The following GAL3ST1 variants were observed in gnomAD, a reference collection of about 807,000 sequenced individuals.
The protein encoded by GAL3ST1 is galactosylceramide sulfotransferase.
A neutral mutation model predicts 25.0 loss-of-function variants in GAL3ST1; 13 were observed. The observed-to-expected ratio is 0.52, with a 90% CI of 0.34 to 0.83. GAL3ST1 has a LOEUF of 0.83. Ranked by LOEUF, GAL3ST1 falls within the 40% of genes least tolerant of loss-of-function variation. The pLI is 0.02. For synonymous variants in GAL3ST1, 274 were observed against 277.8 expected (o/e 0.99, Z 0.14); for missense variants, 474 against 613.6 (o/e 0.77, Z 2.40).
intron 1 of GAL3ST1, among the ~76,000 whole-genome samples, chr22:30,560,967 C>T (rs1286479501): frequency 2.0e-5 from 3 of 152,104 alleles, no homozygotes; most frequent in African/African-American, 4.8e-5. Flanking sequence ...GTTTTTGAGA[C>T]GGTGTCTCCC....
intron 1 of GAL3ST1, among the ~76,000 whole-genome samples, chr22:30,559,387 C>T (rs1032745215): frequency 1.2e-4 from 18 of 151,534 alleles, no homozygotes; most frequent in Non-Finnish European, 2.4e-4. Flanking sequence ...ATTACAGGCA[C>T]ACGCCACCAC....
chr22:30,555,266 T>G lies in GAL3ST1; in HGVS notation c.959A>C (p.Glu320Ala). The G allele has an allele frequency of 6.2e-7, 1 of 1,601,776 alleles. No homozygotes were observed. Residue 320 changes from glutamate to alanine, a missense_variant, in exon 4 of 4, where the codon GAG becomes GCG. Transcript: ENST00000406361. This position sits in a 1 kb window ranked among gnomAD's most constrained non-coding sequence, Gnocchi z 8.6. ...HFNASFWRKVEAFGRERMARE... is the reference protein window; with the variant it reads ...HFNASFWRKVAAFGRERMARE... ...GGCCATGCGCTCCCGCCCGAAGGCC[T>G]CCACCTTGCGCCAGAAGCTGGCGTT...
rs996190161 is a variant in GAL3ST1, at chr22:30,574,497, C to A, written c.-151G>T. ...CCCGTCCTCCTCCGCCTCAGCGTGG[C>A]TGGCTCGGCCCGGGCCGCGCCGCCC... On this transcript the variant is annotated 5_prime_UTR_variant, in exon 1 of 4. Transcript: ENST00000406361. The A allele has an allele frequency of 2.0e-5, 3 of 150,618 alleles. No individual in the cohort carries two copies. Among genetic ancestry groups the A allele is most frequent in the African/African-American group, 4.9e-5 (2 of 41,206 alleles). The allele number at this position is 150,618 out of a possible 1,614,324, so 9.3% of individuals were successfully genotyped here. A position where few individuals can be genotyped will look rare whatever the true frequency, so the allele number is the denominator to read the frequency against.
At chr22:30,567,431 C>A (rs1325186692) in intron 1 of GAL3ST1, among the ~76,000 whole-genome samples, 1 of 152,054 alleles carries the variant, frequency 6.6e-6, no homozygotes, top group East Asian at 1.9e-4. Flanking sequence ...CACCACCACG[C>A]CTGGCTAATT....
chr22:30,567,419 C>T (rs899675147), intron 1 of GAL3ST1, among the ~76,000 whole-genome samples: 16 of 151,906 alleles, frequency 1.1e-4, no homozygotes, highest in Admixed American at 3.3e-4. Flanking sequence ...ACTACAGGTA[C>T]GCACCACCAC....
At chr22:30,557,079 G>A (rs2086079917) in intron 3 of GAL3ST1, among the ~76,000 whole-genome samples, 183 bp downstream of exon 3, 1 of 152,236 alleles carries the variant, frequency 6.6e-6, no homozygotes, top group East Asian at 1.9e-4. Flanking sequence ...GGCACACCAA[G>A]GCTCAGAGTT....
chr22:30,564,457 G>A (rs2086559863), intron 1 of GAL3ST1, among the ~76,000 whole-genome samples: 1 of 152,206 alleles, frequency 6.6e-6, no homozygotes, highest in Non-Finnish European at 1.5e-5. Flanking sequence ...AGCAGAGACA[G>A]GACTAGAACC....
intron 1 of GAL3ST1, chr22:30,565,094 C>T (rs1000784610): frequency 1.3e-5 from 2 of 152,814 alleles, no homozygotes; most frequent in African/African-American, 4.8e-5. Context: ...TGGACCCCAA[C>T]AAGCAAGCAG....
rs1370284819 is a variant in GAL3ST1 at position 30,555,199 on chromosome 22, C to G, written c.1026G>C (p.Arg342=). 2 of 1,600,296 alleles carry G rather than the reference C, an allele frequency of 1.2e-6. No homozygotes were observed. Among genetic ancestry groups the G allele is most frequent in the Non-Finnish European group, 1.7e-6 (2 of 1,176,154 alleles). ...AALRHANERM[R]TICIDGGHAV... is the part of the protein sequence containing the mutation. ...CGTGGCCCCCGTCGATGCAGATGGT[C>G]CGCATGCGCTCGTTGGCATGGCGCA... is the stretch of plus-strand genomic sequence containing the variant. The change falls in exon 4 of 4, where the codon CGG becomes CGC. Residue 342 remains arginine, a synonymous_variant. Coordinates refer to ENST00000406361, the MANE Select transcript of GAL3ST1 (RefSeq NM_001318104.2). The surrounding 1 kb of genome is among the most constrained non-coding windows in gnomAD (Gnocchi z 8.6).
chr22:30,569,517 A>G (rs1423596961), intron 1 of GAL3ST1, among the ~76,000 whole-genome samples: 2 of 152,042 alleles, frequency 1.3e-5, no homozygotes, highest in African/African-American at 4.8e-5. Context: ...GGTTCTGTTT[A>G]GAATACTCTG....
rs1296565237 is a variant in GAL3ST1, at chr22:30,556,072, G to C, written c.153C>G (p.Ser51=). ...LASTTPEAAA[S]CSPPALEPEA... is the part of the protein sequence containing the mutation. The stretch of plus-strand genomic sequence containing the variant: ...CTGGCTCGAGTGCAGGTGGAGAGCA[G>C]GACGCTGCGGCCTCCGGGGTCCTGC... Residue 51 remains serine (S), a synonymous_variant, in exon 4 of 4, where the codon TCC becomes TCG. Coordinates refer to ENST00000406361, the MANE Select transcript of GAL3ST1 (RefSeq NM_001318104.2). The C allele has an allele frequency of 1.2e-6, 2 of 1,607,656 alleles. No individual in the cohort carries two copies. The highest frequency in any genetic ancestry group is 1.1e-5 in the South Asian group (1 of 90,982).
At chr22:30,558,087 C>T (rs1369985700) in intron 2 of GAL3ST1, among the ~76,000 whole-genome samples, 192 bp downstream of exon 2, 1 of 151,742 alleles carries the variant, frequency 6.6e-6, no homozygotes, top group Non-Finnish European at 1.5e-5. Context: ...CGCGCCCGAC[C>T]ATGAAACACT....
intron 1 of GAL3ST1, among the ~76,000 whole-genome samples, chr22:30,572,100 G>A (rs1204783386): frequency 6.6e-6 from 1 of 152,064 alleles, no homozygotes; most frequent in African/African-American, 2.4e-5. Flanking sequence ...CGCTAACTGG[G>A]GCGTTGCAAG....
At position 30,558,398 on chromosome 22, in the gene GAL3ST1, A is replaced by G. The variant is rs896748325; in HGVS notation, c.-119-10T>C. On this transcript the variant is annotated splice_polypyrimidine_tract_variant and intron_variant, in intron 1 of 3. Coordinates refer to ENST00000406361, the MANE Select transcript of GAL3ST1 (RefSeq NM_001318104.2). ...ATGACACAGTGAGACCCTGTCTCAAATAAATAAACAAATAAATAAGAAGGA... is the reference window on the plus strand; with the variant it reads ...ATGACACAGTGAGACCCTGTCTCAAGTAAATAAACAAATAAATAAGAAGGA... The G allele has an allele frequency of 1.3e-5, 2 of 152,164 alleles. No homozygotes were observed. Among genetic ancestry groups the G allele is most frequent in the Non-Finnish European group, 2.9e-5 (2 of 68,050 alleles). The allele number at this position is 152,164 out of a possible 1,614,324, so 9.4% of individuals were successfully genotyped here. A position where few individuals can be genotyped will look rare whatever the true frequency, so the allele number is the denominator to read the frequency against.
intron 1 of GAL3ST1, among the ~76,000 whole-genome samples, chr22:30,571,341 A>G (rs79415980): frequency 0.036 from 5,535 of 152,190 alleles, 286 homozygotes; most frequent in East Asian, 0.2. Context: ...GGGGTGCTGG[A>G]GCAGAGAGGG....
At chr22:30,571,998 A>C (rs1452679116) in intron 1 of GAL3ST1, among the ~76,000 whole-genome samples, 2 of 152,210 alleles carry the variant, frequency 1.3e-5, no homozygotes, top group Non-Finnish European at 2.9e-5. Context: ...AGCCAAAATG[A>C]GGAGCAAGGC....
Position 30,555,180 on chromosome 22 carries a change from C to T in GAL3ST1, c.1045G>A (p.Gly349Ser). Residue 349 changes from glycine (G) to serine (S), a missense_variant, in exon 4 of 4, where the codon GGC becomes AGC. By Grantham distance (56) the Gly-to-Ser change is moderately conservative. Transcript: ENST00000406361. This position sits in a 1 kb window ranked among gnomAD's most constrained non-coding sequence, Gnocchi z 8.6. ...ERMRTICIDG[G>S]HAVDAAAIQD... is the part of the protein sequence containing the mutation. ...ATGGCGGCGGCGTCCACGGCGTGGCCCCCGTCGATGCAGATGGTCCGCATG... is the reference window on the plus strand; with the variant it reads ...ATGGCGGCGGCGTCCACGGCGTGGCTCCCGTCGATGCAGATGGTCCGCATG... The T allele has an allele frequency of 5.0e-6, 8 of 1,601,850 alleles. No homozygotes were observed. In the South Asian group the frequency reaches 8.8e-5, roughly 18 times the overall value.
chr22:30,562,665 A>G (rs1601959648), intron 1 of GAL3ST1, among the ~76,000 whole-genome samples: 1 of 152,200 alleles, frequency 6.6e-6, no homozygotes, highest in East Asian at 1.9e-4. Context: ...ATGTGTGATG[A>G]ATGACTTCCC....
chr22:30,569,466 G>C (rs1281309054), intron 1 of GAL3ST1, among the ~76,000 whole-genome samples: 1 of 152,182 alleles, frequency 6.6e-6, no homozygotes, highest in Non-Finnish European at 1.5e-5. Flanking sequence ...GGGAGGCTGA[G>C]AAAGGGCCAG....
Sources: allele counts gnomAD v4.1 joint callset (sites outside exome capture counted in the v4.1 genomes callset), GRCh38; gene constraint gnomAD v4.1.1; non-coding constraint Gnocchi (gnomAD v3.1); transcripts MANE v1.5; gene names NCBI Gene and HGNC (gene_info 2026-07-23, HGNC 2026-07-21).